KCND2: variants seen among roughly 807,000 people sequenced by gnomAD.
KCND2 encodes the protein A-type voltage-gated potassium channel KCND2.
Under a neutral mutation model 54.4 loss-of-function variants are expected in KCND2, and 16 were observed. The observed-to-expected ratio is 0.29, with a 90% CI of 0.20 to 0.45. KCND2 has a LOEUF of 0.45. Among genes scored for constraint, KCND2 ranks in the 20% least tolerant of loss-of-function variants. The pLI, the probability that KCND2 is intolerant of heterozygous loss-of-function variation, is 1.00. For missense variants in KCND2, 486 were observed against 824.2 expected (o/e 0.59, Z 5.02); for synonymous variants, 317 against 310.7 (o/e 1.02, Z -0.21).
intron 1 of KCND2, among the ~76,000 whole-genome samples, chr7:120,580,181 C>T (rs1268644832): frequency 1.3e-5 from 2 of 152,174 alleles, no homozygotes; most frequent in African/African-American, 4.8e-5. Context: ...TGTCATCAGG[C>T]ATTAGGAATT....
chr7:120,354,217 G>A (rs1406425503), intron 1 of KCND2, among the ~76,000 whole-genome samples: 1 of 152,108 alleles, frequency 6.6e-6, no homozygotes, highest in Non-Finnish European at 1.5e-5. Flanking sequence ...TATGAAAAAT[G>A]AAATTAGCCT....
At chr7:120,678,635 TAC>T (rs772006824) in intron 1 of KCND2, among the ~76,000 whole-genome samples, 20 of 147,256 alleles carry the variant, frequency 1.4e-4, no homozygotes, top group South Asian at 8.5e-4. Context: ...TAAAGTTCAT[TAC>T]ACACACATAT....
At chr7:120,644,728 C>T (rs919069993) in intron 1 of KCND2, among the ~76,000 whole-genome samples, 5 of 152,034 alleles carry the variant, frequency 3.3e-5, no homozygotes, top group Admixed American at 1.3e-4. Context: ...TGTCAGAAGC[C>T]GGGTTTTATC....
intron 1 of KCND2, among the ~76,000 whole-genome samples, chr7:120,683,560 T>G (rs1302601526): frequency 6.6e-6 from 1 of 152,198 alleles, no homozygotes; most frequent in African/African-American, 2.4e-5. Context: ...AATATTTAAA[T>G]TATTTAAGTA....
intron 1 of KCND2, among the ~76,000 whole-genome samples, chr7:120,512,243 A>G (rs553361179): frequency 6.6e-6 from 1 of 152,232 alleles, no homozygotes. Flanking sequence ...TATATTAATG[A>G]AAAATACAGA....
intron 1 of KCND2, among the ~76,000 whole-genome samples, chr7:120,454,624 A>C (rs2116225265): frequency 6.6e-6 from 1 of 151,976 alleles, no homozygotes; most frequent in Admixed American, 6.5e-5. Flanking sequence ...TATCAGATAT[A>C]TAAAGAAGAG....
intron 2 of KCND2, among the ~76,000 whole-genome samples, chr7:120,736,759 C>T (rs778870802): frequency 1.3e-5 from 2 of 151,638 alleles, no homozygotes; most frequent in Non-Finnish European, 2.9e-5. Flanking sequence ...ATACTATTTC[C>T]ATTTTACAGA....
At chr7:120,630,433 C>T (rs1793219149) in intron 1 of KCND2, among the ~76,000 whole-genome samples, 1 of 152,046 alleles carries the variant, frequency 6.6e-6, no homozygotes, top group African/African-American at 2.4e-5. Context: ...ATTTCCATTG[C>T]TTTGGTTATG....
intron 1 of KCND2, among the ~76,000 whole-genome samples, chr7:120,568,925 A>G (rs1405714161): frequency 3.3e-5 from 5 of 152,242 alleles, no homozygotes; most frequent in Admixed American, 3.3e-4. Context: ...CGCAATTCTT[A>G]GAATAAATAT....
Position 120,748,139 on chromosome 7 carries a change from C to T in KCND2, c.*281C>T, listed in dbSNP as rs1793028791. The T allele has an allele frequency of 4.2e-6, 1 of 237,552 alleles. No individual in the cohort carries two copies. 14.7% of individuals were successfully genotyped at this position (237,552 alleles called of 1,614,324 possible). A position where few individuals can be genotyped will look rare whatever the true frequency, so the allele number is the denominator to read the frequency against. On this transcript the variant is annotated 3_prime_UTR_variant, in exon 6 of 6. Coordinates refer to ENST00000331113, the MANE Select transcript of KCND2 (RefSeq NM_012281.3). ...ACTGATGCTTCTTATGATCAGAACT[C>T]TTTTTTAATAAAATAAATAACATAA...
intron 1 of KCND2, among the ~76,000 whole-genome samples, chr7:120,534,476 A>C (rs892191688): frequency 6.6e-6 from 1 of 152,052 alleles, no homozygotes; most frequent in African/African-American, 2.4e-5. Flanking sequence ...CAAACAAACA[A>C]AATCTGAGAA....
In KCND2 at chr7:120,727,874, G is replaced by A. The variant is rs1055914972; in HGVS notation, c.1116-5029G>A. On this transcript the variant is annotated intron_variant, in intron 1 of 5. Transcript: ENST00000331113. The stretch of plus-strand genomic sequence containing the variant: ...TGGGGGGCCGGGCACGGTGGCTCAC[G>A]CTTGTAATCCCAGCACTTTGGGAGG... Among the ~76,000 whole-genome samples, 4 of 151,968 alleles carry A rather than the reference G, an allele frequency of 2.6e-5. No homozygotes were observed. The East Asian group carries it at 5.8e-4, about 22-fold the overall frequency.
chr7:120,328,746 T>C (rs1800018856), intron 1 of KCND2, among the ~76,000 whole-genome samples: 1 of 152,182 alleles, frequency 6.6e-6, no homozygotes, highest in Middle Eastern at 3.2e-3. Flanking sequence ...GAAATCATTT[T>C]CTGAGCTCAT....
chr7:120,319,612 A>G (rs1480748550), intron 1 of KCND2, among the ~76,000 whole-genome samples: 1 of 152,082 alleles, frequency 6.6e-6, no homozygotes, highest in African/African-American at 2.4e-5. Context: ...AAAACATACC[A>G]TGTTTTTACC....
intron 1 of KCND2, among the ~76,000 whole-genome samples, chr7:120,500,115 A>G (rs999509843): frequency 4.6e-5 from 7 of 152,202 alleles, no homozygotes; most frequent in Non-Finnish European, 8.8e-5. Context: ...GTGTTCCATT[A>G]TAATAATTTT....
At chr7:120,710,131 A>T (rs1792519787) in intron 1 of KCND2, among the ~76,000 whole-genome samples, 2 of 152,262 alleles carry the variant, frequency 1.3e-5, no homozygotes, top group African/African-American at 4.8e-5. Context: ...CTCCCACAGT[A>T]ATGAGTCATA....
At chr7:120,356,661 G>T (rs190835362) in intron 1 of KCND2, among the ~76,000 whole-genome samples, 1 of 152,096 alleles carries the variant, frequency 6.6e-6, no homozygotes, top group Non-Finnish European at 1.5e-5. Flanking sequence ...ATAGTAAAAT[G>T]GGAGCATGAA....
At chr7:120,422,682 C>T (rs1409446828) in intron 1 of KCND2, among the ~76,000 whole-genome samples, 3 of 152,216 alleles carry the variant, frequency 2.0e-5, no homozygotes, top group Non-Finnish European at 2.9e-5. Context: ...CTGCCCTCCA[C>T]CTCGCTCTGC....
intron 1 of KCND2, among the ~76,000 whole-genome samples, chr7:120,468,303 G>A (rs866110343): frequency 2.0e-5 from 3 of 152,008 alleles, no homozygotes; most frequent in Non-Finnish European, 4.4e-5. Flanking sequence ...AAAAGAATTA[G>A]TAATTTATTT....
Sources: allele counts gnomAD v4.1 joint callset (sites outside exome capture counted in the v4.1 genomes callset), GRCh38; gene constraint gnomAD v4.1.1; transcripts MANE v1.5; gene names NCBI Gene and HGNC (gene_info 2026-07-23, HGNC 2026-07-21).